The following SLC36A1 variants were observed in gnomAD, a reference collection of about 807,000 sequenced individuals.
SLC36A1 encodes proton-coupled amino acid transporter 1.
In SLC36A1, 30 loss-of-function variants were observed where a neutral mutation model predicts 47.5. The observed-to-expected ratio is 0.63, with a 90% CI of 0.47 to 0.86. The LOEUF is 0.86. Among genes scored for constraint, SLC36A1 ranks in the 40% least tolerant of loss-of-function variants. The pLI is 0.00. For synonymous variants in SLC36A1, 255 were observed against 249.7 expected (o/e 1.02, Z -0.20); for missense variants, 517 against 606.0 (o/e 0.85, Z 1.54).
chr5:151,427,329 G>A, the SLC36A1 span, among the ~76,000 whole-genome samples: 845 of 152,270 alleles, frequency 5.5e-3, 7 homozygotes, highest in African/African-American at 0.019. Flanking sequence ...GTGGGTCAAG[G>A]GTAAGTGCTT....
chr5:151,452,996 G>A (rs1037547728), intron 1 of SLC36A1, among the ~76,000 whole-genome samples: 2 of 152,062 alleles, frequency 1.3e-5, no homozygotes, highest in African/African-American at 2.4e-5. Context: ...GAGGTCAAGA[G>A]TTTGACACCA....
the SLC36A1 span, among the ~76,000 whole-genome samples, chr5:151,541,492 T>C: frequency 1.3e-5 from 2 of 152,188 alleles, no homozygotes; most frequent in African/African-American, 4.8e-5. Flanking sequence ...TGGTTCTTGG[T>C]TGGAATTTCA....
chr5:151,427,640 G>A, the SLC36A1 span, among the ~76,000 whole-genome samples: 2 of 152,124 alleles, frequency 1.3e-5, no homozygotes, highest in Non-Finnish European at 2.9e-5. Flanking sequence ...AAACTAGGAT[G>A]GCCATACATA....
rs1439795782 is a variant in SLC36A1 at position 151,463,535 on chromosome 5, G to A, written c.144-18G>A. ...TAACTGTCATGGTTATCATTTCCTTGGCTGTCTTCCACTTCAGATGGTTCC... is the reference window on the plus strand; with the variant it reads ...TAACTGTCATGGTTATCATTTCCTTAGCTGTCTTCCACTTCAGATGGTTCC... On this transcript the variant is annotated intron_variant, in intron 2 of 10. Coordinates refer to ENST00000243389, the MANE Select transcript of SLC36A1 (RefSeq NM_078483.4). The A allele has an allele frequency of 1.3e-6, 2 of 1,583,744 alleles. No individual in the cohort carries two copies. The highest frequency in any genetic ancestry group is 2.2e-5 in the South Asian group (2 of 90,486).
rs924098410 is a variant in SLC36A1, at chr5:151,463,634, A to C, written c.225A>C (p.Ala75=). The part of the protein sequence containing the change: ...LLGLPLAVKN[A]GIVMGPISLL... ...GACTCCCTCTGGCGGTGAAAAATGCAGGCATCGTGGTAAGGGTCTGCATCA... is the reference window on the plus strand; with the variant it reads ...GACTCCCTCTGGCGGTGAAAAATGCCGGCATCGTGGTAAGGGTCTGCATCA... Residue 75 remains alanine (A), a synonymous_variant, in exon 3 of 11, where the codon GCA becomes GCC. Coordinates refer to ENST00000243389, the MANE Select transcript of SLC36A1 (RefSeq NM_078483.4). 6.2e-7 allele frequency: 1 copy of C among 1,614,018 alleles called. No homozygotes were observed. The highest frequency in any genetic ancestry group is 8.5e-7 in the Non-Finnish European group (1 of 1,179,870).
the SLC36A1 span, among the ~76,000 whole-genome samples, chr5:151,409,725 T>C: frequency 6.6e-6 from 1 of 152,200 alleles, no homozygotes; most frequent in African/African-American, 2.4e-5. Context: ...AGTAGTTCAA[T>C]TGCGCTGGTC....
At chr5:151,516,145 C>G in the SLC36A1 span, among the ~76,000 whole-genome samples, 2 of 152,186 alleles carry the variant, frequency 1.3e-5, no homozygotes, top group African/African-American at 4.8e-5. Flanking sequence ...CTAACTTTCT[C>G]ACCCTCTCCA....
the SLC36A1 span, chr5:151,546,343 AC>A: frequency 5.6e-6 from 9 of 1,606,148 alleles, no homozygotes; most frequent in Admixed American, 1.7e-5. Flanking sequence ...GTTCCCTGAA[AC>A]AGAAGACAAG....
the SLC36A1 span, among the ~76,000 whole-genome samples, chr5:151,499,847 T>C: frequency 6.6e-6 from 1 of 152,168 alleles, no homozygotes; most frequent in South Asian, 2.1e-4. Flanking sequence ...CGTTTCCTTC[T>C]CCAATAGCAA....
At chr5:151,542,531 C>G in the SLC36A1 span, 1 of 1,614,194 alleles carries the variant, frequency 6.2e-7, no homozygotes. Flanking sequence ...TGGCAGGTCT[C>G]ACAGTCAAGT....
At chr5:151,449,370 T>C (rs1753264828) in intron 1 of SLC36A1, among the ~76,000 whole-genome samples, 2 of 152,236 alleles carry the variant, frequency 1.3e-5, no homozygotes, top group Non-Finnish European at 2.9e-5. Flanking sequence ...AAAATGTTCT[T>C]GAAGTCAAGT....
chr5:151,423,266 C>G, the SLC36A1 span, among the ~76,000 whole-genome samples: 1 of 152,208 alleles, frequency 6.6e-6, no homozygotes, highest in Non-Finnish European at 1.5e-5. Flanking sequence ...ACCGTATGAT[C>G]TAGCAATTGC....
chr5:151,397,545 G>C, the SLC36A1 span, among the ~76,000 whole-genome samples: 1 of 152,088 alleles, frequency 6.6e-6, no homozygotes, highest in African/African-American at 2.4e-5. Flanking sequence ...CCAGCACTTT[G>C]GGAGGCCAAG....
intron 1 of SLC36A1, among the ~76,000 whole-genome samples, chr5:151,448,370 TCCTTTCTGTCC>T (rs1385908865): frequency 6.6e-6 from 1 of 152,224 alleles, no homozygotes; most frequent in Non-Finnish European, 1.5e-5. Flanking sequence ...GAAAAGGCAC[TCCTTTCTGTCC>T]CTTTCTCTTT....
chr5:151,464,669 A>T, intron 4 of SLC36A1, 67 bp downstream of exon 4: 1 of 1,333,476 alleles, frequency 7.5e-7, no homozygotes, highest in Non-Finnish European at 1.1e-6. Flanking sequence ...TCAACCCTGA[A>T]AATGAGCACT....
the SLC36A1 span, among the ~76,000 whole-genome samples, chr5:151,408,822 C>T: frequency 6.6e-6 from 1 of 152,146 alleles, no homozygotes; most frequent in African/African-American, 2.4e-5. Flanking sequence ...AATCCACTTG[C>T]AAACAGGATG....
At chr5:151,424,089 A>G in the SLC36A1 span, among the ~76,000 whole-genome samples, 3 of 152,236 alleles carry the variant, frequency 2.0e-5, no homozygotes, top group Non-Finnish European at 2.9e-5. Context: ...TGAATGGGCA[A>G]TAAGACACCA....
At chr5:151,403,443 T>C in the SLC36A1 span, among the ~76,000 whole-genome samples, 1 of 152,098 alleles carries the variant, frequency 6.6e-6, no homozygotes, top group African/African-American at 2.4e-5. Flanking sequence ...TCTCACAAGA[T>C]CTTGTCATTT....
the SLC36A1 span, among the ~76,000 whole-genome samples, chr5:151,387,599 T>C: frequency 1.8e-4 from 28 of 152,236 alleles, no homozygotes; most frequent in Admixed American, 1.8e-3. Context: ...TGAAACTGCC[T>C]GTGCTATTTA....
Sources: gnomAD v4.1 joint callset for allele counts (sites outside exome capture counted in the v4.1 genomes callset) on GRCh38, gnomAD v4.1.1 for gene constraint, MANE v1.5 for transcripts, NCBI Gene and HGNC (gene_info 2026-07-23, HGNC 2026-07-21) for gene names.